CCSER1: variants seen among roughly 807,000 people sequenced by gnomAD.
The protein encoded by CCSER1 is serine-rich coiled-coil domain-containing protein 1.
In CCSER1, 41 loss-of-function variants were observed where a neutral mutation model predicts 82.0. The ratio of observed to expected loss-of-function variants is 0.50; its 90% CI spans 0.39 to 0.65. The LOEUF is 0.65. Ranked by LOEUF, CCSER1 falls within the 30% of genes least tolerant of loss-of-function variation. The pLI, the probability that CCSER1 is intolerant of heterozygous loss-of-function variation, is 0.00. For missense variants in CCSER1, 1,119 were observed against 1,064.2 expected (o/e 1.05, Z -0.72); for synonymous variants, 414 against 383.9 (o/e 1.08, Z -0.92).
chr4:90,220,566 A>G (rs17206950), intron 1 of CCSER1, among the ~76,000 whole-genome samples: 93,239 of 151,944 alleles, frequency 0.61, 30,015 homozygotes, highest in East Asian at 0.83. Context: ...GGGCTTCAGC[A>G]TACATGAAGT....
chr4:91,510,523 TCTGA>T (rs1224551124), intron 10 of CCSER1, among the ~76,000 whole-genome samples: 1 of 152,190 alleles, frequency 6.6e-6, no homozygotes, highest in Non-Finnish European at 1.5e-5. Flanking sequence ...TAATAACCAT[TCTGA>T]CTGACAAAAG....
chr4:91,156,512 A>G (rs969017292), intron 10 of CCSER1, among the ~76,000 whole-genome samples: 1 of 151,540 alleles, frequency 6.6e-6, no homozygotes, highest in African/African-American at 2.4e-5. Context: ...AGGGTCATCA[A>G]AAGAATTAAA....
At chr4:90,490,549 A>C (rs565597835) in intron 5 of CCSER1, among the ~76,000 whole-genome samples, 91 of 152,092 alleles carry the variant, frequency 6.0e-4, no homozygotes, top group Non-Finnish European at 9.3e-4. Flanking sequence ...TGCCAATTTT[A>C]GCTTTTGTTG....
intron 10 of CCSER1, among the ~76,000 whole-genome samples, chr4:91,431,299 A>G (rs1292170966): frequency 6.6e-6 from 1 of 152,208 alleles, no homozygotes; most frequent in African/African-American, 2.4e-5. Context: ...ATACATTCAC[A>G]GAGCTCAAAT....
At chr4:90,970,654 C>T (rs954629304) in intron 9 of CCSER1, among the ~76,000 whole-genome samples, 1 of 151,878 alleles carries the variant, frequency 6.6e-6, no homozygotes, top group Non-Finnish European at 1.5e-5. Flanking sequence ...CTCAAGCACA[C>T]CTATGACATC....
intron 9 of CCSER1, among the ~76,000 whole-genome samples, chr4:91,068,695 G>A (rs567611175): frequency 1.1e-4 from 16 of 152,200 alleles, no homozygotes; most frequent in South Asian, 8.3e-4. Context: ...AATAATGCAC[G>A]CGTAGACTAC....
At chr4:90,188,584 A>C (rs2153393872) in intron 1 of CCSER1, among the ~76,000 whole-genome samples, 1 of 152,052 alleles carries the variant, frequency 6.6e-6, no homozygotes, top group South Asian at 2.1e-4. Flanking sequence ...AAATTTACAT[A>C]CTAAGTTTTA....
intron 6 of CCSER1, among the ~76,000 whole-genome samples, chr4:90,713,577 A>AT (rs569162442): frequency 4.7e-4 from 69 of 147,900 alleles, no homozygotes; most frequent in Middle Eastern, 3.5e-3. Context: ...CCCTTAACCT[A>AT]TTTTTTTTTA....
chr4:90,759,663 A>C (rs527237081), intron 7 of CCSER1, among the ~76,000 whole-genome samples: 2 of 152,240 alleles, frequency 1.3e-5, no homozygotes, highest in South Asian at 4.1e-4. Context: ...GTGCAAGGCA[A>C]CTCCAGTGAA....
chr4:91,066,738 G>A (rs1338190547), intron 9 of CCSER1, among the ~76,000 whole-genome samples: 2 of 152,138 alleles, frequency 1.3e-5, no homozygotes, highest in Non-Finnish European at 2.9e-5. Flanking sequence ...ATAAAGTGGA[G>A]TGGACTAAAT....
chr4:91,449,044 A>T (rs1755732251), intron 10 of CCSER1, among the ~76,000 whole-genome samples: 1 of 152,068 alleles, frequency 6.6e-6, no homozygotes, highest in African/African-American at 2.4e-5. Flanking sequence ...AGAGACTTGT[A>T]AGATGGAAGG....
At chr4:91,354,559 T>C (rs1748695890) in intron 10 of CCSER1, among the ~76,000 whole-genome samples, 1 of 152,240 alleles carries the variant, frequency 6.6e-6, no homozygotes, top group Non-Finnish European at 1.5e-5. Flanking sequence ...ACTGTTTTTG[T>C]GGTACCATTA....
chr4:90,791,404 G>A (rs372809034), intron 7 of CCSER1, among the ~76,000 whole-genome samples: 7 of 152,008 alleles, frequency 4.6e-5, no homozygotes, highest in African/African-American at 1.7e-4. Flanking sequence ...CTTACTTTAA[G>A]AAATTGCCAC....
intron 3 of CCSER1, among the ~76,000 whole-genome samples, chr4:90,338,103 T>C (rs979843339): frequency 9.9e-5 from 15 of 152,202 alleles, no homozygotes; most frequent in African/African-American, 3.4e-4. Flanking sequence ...CTTTTGACTC[T>C]TTGTTCTTAA....
intron 3 of CCSER1, 134 bp downstream of exon 3, chr4:90,313,181 G>C (rs1296139252): frequency 1.3e-6 from 1 of 756,554 alleles, no homozygotes; most frequent in Non-Finnish European, 2.1e-6. Context: ...TTCCATAGTT[G>C]ACATTACAAG....
intron 5 of CCSER1, among the ~76,000 whole-genome samples, chr4:90,523,298 C>A (rs1295641350): frequency 6.6e-6 from 1 of 152,014 alleles, no homozygotes; most frequent in Non-Finnish European, 1.5e-5. Context: ...CATATCAGTC[C>A]AGTGCCCAAA....
chr4:91,439,261 C>T (rs1754929972), intron 10 of CCSER1, among the ~76,000 whole-genome samples: 2 of 152,078 alleles, frequency 1.3e-5, no homozygotes, highest in South Asian at 4.1e-4. Context: ...AAGGGAAGCC[C>T]ATCAGACTAA....
intron 9 of CCSER1, among the ~76,000 whole-genome samples, chr4:90,924,549 A>T (rs975405569): frequency 6.6e-6 from 1 of 152,186 alleles, no homozygotes; most frequent in African/African-American, 2.4e-5. Context: ...TCTAGATCTC[A>T]ATTTTGTAAC....
At chr4:90,578,180 T>C (rs1458583286) in intron 5 of CCSER1, among the ~76,000 whole-genome samples, 1 of 152,190 alleles carries the variant, frequency 6.6e-6, no homozygotes, top group Non-Finnish European at 1.5e-5. Context: ...ATTAGCTTTA[T>C]ACTTCTTCTG....
Sources: gnomAD v4.1 joint callset for allele counts (sites outside exome capture counted in the v4.1 genomes callset) on GRCh38, gnomAD v4.1.1 for gene constraint, MANE v1.5 for transcripts, NCBI Gene and HGNC (gene_info 2026-07-23, HGNC 2026-07-21) for gene names.